PIBF1: variants seen among roughly 807,000 people sequenced by gnomAD.
PIBF1 encodes the protein progesterone immunomodulatory binding factor 1, also known as progesterone-induced-blocking factor 1.
PIBF1 carries 90 observed loss-of-function variants against 112.5 expected under a neutral mutation model. The ratio of observed to expected loss-of-function variants is 0.80; its 90% CI spans 0.67 to 0.95. PIBF1 has a LOEUF of 0.95. PIBF1 is among the 40% of genes least tolerant of loss of function. PIBF1 has a pLI of 0.00. For missense variants in PIBF1, 915 were observed against 852.3 expected (o/e 1.07, Z -0.92); for synonymous variants, 301 against 288.6 (o/e 1.04, Z -0.44).
chr13:72,903,571 C>T (rs2040581237), intron 11 of PIBF1, among the ~76,000 whole-genome samples: 1 of 152,136 alleles, frequency 6.6e-6, no homozygotes, highest in African/African-American at 2.4e-5. Context: ...ATGGCTACTT[C>T]ACTGAGGAAC....
At chr13:72,974,254 T>C (rs887536467) in intron 16 of PIBF1, 2 of 152,254 alleles carry the variant, frequency 1.3e-5, no homozygotes, top group African/African-American at 4.8e-5. Flanking sequence ...TTAGCAGACA[T>C]GTCTGTGATT....
intron 10 of PIBF1, among the ~76,000 whole-genome samples, chr13:72,869,221 G>A (rs2039052901): frequency 6.6e-6 from 1 of 152,130 alleles, no homozygotes; most frequent in African/African-American, 2.4e-5. Context: ...CAACCCAAAT[G>A]TCCAACAATG....
chr13:72,965,067 AG>A (rs1342778641), intron 14 of PIBF1, among the ~76,000 whole-genome samples: 1 of 149,002 alleles, frequency 6.7e-6, no homozygotes, highest in African/African-American at 2.4e-5. Context: ...CTCAAAAAAA[AG>A]AAAACAAAAA....
chr13:72,939,051 T>G (rs757157045), intron 14 of PIBF1, among the ~76,000 whole-genome samples: 8 of 152,224 alleles, frequency 5.3e-5, no homozygotes, highest in Non-Finnish European at 1.0e-4. Context: ...GTTCTTTATA[T>G]ATTCTGGACA....
chr13:72,891,308 C>A (rs567814002), intron 10 of PIBF1, among the ~76,000 whole-genome samples: 12 of 152,082 alleles, frequency 7.9e-5, no homozygotes, highest in African/African-American at 2.9e-4. Flanking sequence ...TCTTAAAGAT[C>A]AATATCACAT....
At chr13:72,967,196 A>C (rs117647316) in intron 15 of PIBF1, among the ~76,000 whole-genome samples, 1 of 152,068 alleles carries the variant, frequency 6.6e-6, no homozygotes, top group South Asian at 2.1e-4. Context: ...GGCCTCCCGA[A>C]GTGCTAGGAT....
chr13:72,894,680 A>G (rs2040194913), intron 11 of PIBF1, among the ~76,000 whole-genome samples: 1 of 150,516 alleles, frequency 6.6e-6, no homozygotes, highest in African/African-American at 2.4e-5. Context: ...TAGTTGACTC[A>G]ATACCTCATA....
chr13:72,965,885 A>G (rs2042726854), intron 15 of PIBF1, among the ~76,000 whole-genome samples: 1 of 152,236 alleles, frequency 6.6e-6, no homozygotes. Context: ...TTAAGTGTAA[A>G]TAAATAAATT....
chr13:72,899,073 CAAG>C lies in PIBF1; in HGVS notation c.1488+5130_1488+5132del, dbSNP rs900761684. On this transcript the variant is annotated intron_variant, in intron 11 of 17. Coordinates refer to ENST00000326291, the MANE Select transcript of PIBF1 (RefSeq NM_006346.4). ...AAAATACAACCCTCCTAGCTTAAATCAAGAAGAATTAGATACCCTAAAAAGACC... is the reference window on the plus strand; with the variant it reads ...AAAATACAACCCTCCTAGCTTAAATCAAGAATTAGATACCCTAAAAAGACC... 1.9e-4 allele frequency among the ~76,000 whole-genome samples: 29 copies of C among 152,024 alleles called. 1 individual carries two copies. The highest frequency in any genetic ancestry group is 6.3e-4 in the African/African-American group (26 of 41,480).
intron 5 of PIBF1, among the ~76,000 whole-genome samples, chr13:72,808,962 A>C (rs1028708374): frequency 6.6e-6 from 1 of 152,192 alleles, no homozygotes; most frequent in African/African-American, 2.4e-5. Flanking sequence ...TTTTGAGACC[A>C]GCAATTAAGA....
At chr13:72,858,931 C>T (rs973957640) in intron 10 of PIBF1, among the ~76,000 whole-genome samples, 1 of 152,066 alleles carries the variant, frequency 6.6e-6, no homozygotes, top group Non-Finnish European at 1.5e-5. Flanking sequence ...TAGTAGATTA[C>T]ATTACATAAC....
At chr13:72,944,020 C>G (rs1400800993) in intron 14 of PIBF1, among the ~76,000 whole-genome samples, 1 of 152,064 alleles carries the variant, frequency 6.6e-6, no homozygotes, top group Non-Finnish European at 1.5e-5. Context: ...TATTTCTGTT[C>G]TAGAGTTTCA....
At chr13:72,912,468 A>G (rs73524242) in intron 12 of PIBF1, among the ~76,000 whole-genome samples, 27 of 152,350 alleles carry the variant, frequency 1.8e-4, no homozygotes, top group African/African-American at 6.3e-4. Context: ...TTAAAAGCCC[A>G]GTGAGATACC....
Position 72,818,080 on chromosome 13 carries a change from AC to A in PIBF1, c.673-3768del, listed in dbSNP as rs569826282. 8.6e-5 allele frequency among the ~76,000 whole-genome samples: 13 copies of A among 151,700 alleles called. No individual in the cohort carries two copies. The South Asian group carries it at 2.3e-3, about 27-fold the overall frequency. ...TTTATAAATATATACATATATATAC[AC>A]TATGTATATAACATTAATAATATAC... On this transcript the variant is annotated intron_variant, in intron 5 of 17. Transcript: ENST00000326291.
rs937189187 is a variant in PIBF1, at chr13:72,860,352, T to A, written c.1322+6197T>A. Among the ~76,000 whole-genome samples the A allele has an allele frequency of 2.0e-4, 27 of 135,978 alleles. 1 individual carries two copies. In the East Asian group the frequency reaches 2.0e-3, roughly 10 times the overall value. 89.2% of individuals were successfully genotyped at this position (135,978 alleles called of 152,430 possible). ...GTGTGTGTGTGTGTGTGTGTGTGTG[T>A]GACAGTAGAGAGACAGAGAATCTAC... is the stretch of plus-strand genomic sequence containing the variant. On this transcript the variant is annotated intron_variant, in intron 10 of 17. Transcript: ENST00000326291.
chr13:72,801,402 T>C (rs536564991), intron 5 of PIBF1, among the ~76,000 whole-genome samples: 4 of 152,250 alleles, frequency 2.6e-5, no homozygotes, highest in African/African-American at 7.2e-5. Context: ...AATGAATGCA[T>C]AAAATATATG....
chr13:72,918,494 TCTC>T (rs2041177740), intron 13 of PIBF1, among the ~76,000 whole-genome samples: 1 of 151,118 alleles, frequency 6.6e-6, no homozygotes, highest in South Asian at 2.1e-4. Flanking sequence ...TTCAAGCAGT[TCTC>T]CTGCCTCAGT....
chr13:72,857,253 G>A (rs2038464993), intron 10 of PIBF1, among the ~76,000 whole-genome samples: 1 of 152,074 alleles, frequency 6.6e-6, no homozygotes, highest in Non-Finnish European at 1.5e-5. Context: ...ATTTCATATG[G>A]ATCAGAGATT....
chr13:72,867,093 T>C (rs756558275), intron 10 of PIBF1, among the ~76,000 whole-genome samples: 8 of 152,210 alleles, frequency 5.3e-5, no homozygotes, highest in African/African-American at 9.6e-5. Flanking sequence ...ATAATTCTTA[T>C]GTGTTGTGGG....
Sources: gnomAD v4.1 joint callset for allele counts (sites outside exome capture counted in the v4.1 genomes callset) on GRCh38, gnomAD v4.1.1 for gene constraint, MANE v1.5 for transcripts, NCBI Gene and HGNC (gene_info 2026-07-23, HGNC 2026-07-21) for gene names.